The following GRM5 variants were observed in gnomAD, a reference collection of about 807,000 sequenced individuals.
GRM5 encodes the protein metabotropic glutamate receptor 5.
Under a neutral mutation model 83.1 loss-of-function variants are expected in GRM5, and 19 were observed. The ratio of observed to expected loss-of-function variants is 0.23; its 90% CI spans 0.16 to 0.34. The LOEUF is 0.34. Among genes scored for constraint, GRM5 ranks in the 10% least tolerant of loss-of-function variants. GRM5 has a pLI of 1.00. For synonymous variants in GRM5, 675 were observed against 633.6 expected, an observed-to-expected ratio of 1.07 and a Z score of -0.98; for missense variants, 1,160 against 1,588.3, an observed-to-expected ratio of 0.73 and a Z score of 4.58.
At chr11:88,564,756 A>G (rs1408809727) in intron 8 of GRM5, among the ~76,000 whole-genome samples, 2 of 152,234 alleles carry the variant, frequency 1.3e-5, no homozygotes, top group Admixed American at 1.3e-4. Context: ...GTGATGAGCA[A>G]GGTAAAGAAG....
chr11:88,547,738 A>C (rs2135142001), intron 8 of GRM5, among the ~76,000 whole-genome samples: 1 of 152,290 alleles, frequency 6.6e-6, no homozygotes, highest in South Asian at 2.1e-4. Flanking sequence ...GGTTCACATC[A>C]GCTCAATAAC....
In GRM5 at chr11:88,653,411, G is replaced by C; in HGVS notation, c.912-8C>G. On this transcript the variant is annotated splice_region_variant and splice_polypyrimidine_tract_variant and intron_variant, in intron 3 of 9. Coordinates refer to ENST00000305447, the MANE Select transcript of GRM5 (RefSeq NM_001143831.3). Reference sequence around the variant, plus strand: ...CTGTCAGCCCAGCCATCACTGTGGGGAAATAAAAAAACCCTCAGCTTAGAA... The same window carrying C: ...CTGTCAGCCCAGCCATCACTGTGGGCAAATAAAAAAACCCTCAGCTTAGAA... The C allele has an allele frequency of 1.9e-6, 3 of 1,590,366 alleles. No individual in the cohort carries two copies. The highest frequency in any genetic ancestry group is 2.6e-6 in the Non-Finnish European group (3 of 1,160,180).
At chr11:88,923,812 C>T (rs1945735495) in intron 2 of GRM5, among the ~76,000 whole-genome samples, 2 of 148,988 alleles carry the variant, frequency 1.3e-5, no homozygotes, top group Non-Finnish European at 3.0e-5. Flanking sequence ...CTCATGTACC[C>T]CATGAATATA....
At chr11:89,020,944 G>T (rs2135107935) in intron 2 of GRM5, among the ~76,000 whole-genome samples, 1 of 152,234 alleles carries the variant, frequency 6.6e-6, no homozygotes, top group Non-Finnish European at 1.5e-5. Context: ...TCAAATCCAG[G>T]ATATTCTGTT....
chr11:88,528,294 C>T (rs1231922768), intron 8 of GRM5, among the ~76,000 whole-genome samples: 1 of 152,050 alleles, frequency 6.6e-6, no homozygotes, highest in Admixed American at 6.6e-5. Context: ...GGCATTAATA[C>T]AGAATGGGAA....
intron 9 of GRM5, among the ~76,000 whole-genome samples, chr11:88,513,071 C>CT (rs1469739759): frequency 6.6e-6 from 1 of 152,128 alleles, no homozygotes; most frequent in African/African-American, 2.4e-5. Context: ...TCCTCTCTTC[C>CT]TTTTTGCTTA....
chr11:88,604,013 T>C (rs894804273), intron 5 of GRM5, among the ~76,000 whole-genome samples: 3 of 152,156 alleles, frequency 2.0e-5, no homozygotes, highest in African/African-American at 7.2e-5. Context: ...TTATTCCTTA[T>C]AGATTAAAAG....
chr11:88,758,633 C>T (rs1157397746), intron 3 of GRM5, among the ~76,000 whole-genome samples: 2 of 152,074 alleles, frequency 1.3e-5, no homozygotes, highest in Admixed American at 6.6e-5. Context: ...TTCTCGAAAG[C>T]GTTGGGGAGA....
intron 1 of GRM5, among the ~76,000 whole-genome samples, chr11:89,051,954 A>G (rs1203200925): frequency 1.3e-5 from 2 of 152,196 alleles, no homozygotes; most frequent in Non-Finnish European, 2.9e-5. Flanking sequence ...TTCCAAGTTG[A>G]ATCAACTGTA....
At chr11:88,651,658 A>T (rs746395192) in intron 4 of GRM5, among the ~76,000 whole-genome samples, 15 of 152,082 alleles carry the variant, frequency 9.9e-5, no homozygotes, top group Non-Finnish European at 1.6e-4. Context: ...ATGCGTAAGC[A>T]TTTGAGGATT....
chr11:88,711,141 C>T (rs1941270834), intron 3 of GRM5, among the ~76,000 whole-genome samples: 1 of 152,004 alleles, frequency 6.6e-6, no homozygotes, highest in Non-Finnish European at 1.5e-5. Context: ...GGAGCAATGG[C>T]CTTGAAGAGA....
chr11:88,929,953 C>T (rs940087616), intron 2 of GRM5, among the ~76,000 whole-genome samples: 3 of 152,036 alleles, frequency 2.0e-5, no homozygotes, highest in Non-Finnish European at 4.4e-5. Flanking sequence ...TTGGATCAGA[C>T]TGGTGTTTCA....
intron 8 of GRM5, among the ~76,000 whole-genome samples, chr11:88,545,622 C>T (rs1942371106): frequency 6.6e-6 from 1 of 152,172 alleles, no homozygotes; most frequent in Admixed American, 6.5e-5. Flanking sequence ...TAAAATCTAG[C>T]ACCCATCTTT....
intron 3 of GRM5, among the ~76,000 whole-genome samples, chr11:88,728,709 G>T (rs569280904): frequency 1.6e-4 from 25 of 152,218 alleles, no homozygotes; most frequent in African/African-American, 5.8e-4. Flanking sequence ...GGGATGCAAG[G>T]CTGGTTCAAC....
At chr11:88,824,023 A>G (rs576784829) in intron 3 of GRM5, among the ~76,000 whole-genome samples, 7 of 152,244 alleles carry the variant, frequency 4.6e-5, no homozygotes, top group Admixed American at 4.6e-4. Context: ...TATACTGCAT[A>G]TTGGTTTACT....
At chr11:88,972,262 T>C (rs1939187742) in intron 2 of GRM5, among the ~76,000 whole-genome samples, 1 of 151,998 alleles carries the variant, frequency 6.6e-6, no homozygotes, top group Non-Finnish European at 1.5e-5. Context: ...GACATAAAAC[T>C]TCTCCCCCAC....
intron 2 of GRM5, among the ~76,000 whole-genome samples, chr11:89,019,182 CTGA>C (rs1482330987): frequency 6.6e-6 from 1 of 152,072 alleles, no homozygotes; most frequent in African/African-American, 2.4e-5. Flanking sequence ...TGGGATTTGT[CTGA>C]TGTTTTTCTC....
intron 3 of GRM5, among the ~76,000 whole-genome samples, chr11:88,844,663 G>C (rs1311195842): frequency 6.6e-6 from 1 of 152,168 alleles, no homozygotes; most frequent in Non-Finnish European, 1.5e-5. Context: ...TTCTGGAAAG[G>C]ATTCACCATT....
chr11:88,632,281 C>G (rs1408903934), intron 4 of GRM5, among the ~76,000 whole-genome samples: 1 of 127,942 alleles, frequency 7.8e-6, no homozygotes, highest in Admixed American at 9.2e-5. Context: ...GGATCTAACT[C>G]CTTCATCCTG....
Sources: gnomAD v4.1 joint callset for allele counts (sites outside exome capture counted in the v4.1 genomes callset) on GRCh38, gnomAD v4.1.1 for gene constraint, MANE v1.5 for transcripts, NCBI Gene and HGNC (gene_info 2026-07-23, HGNC 2026-07-21) for gene names.